The following ABCA13 variants were observed in gnomAD, a reference collection of about 807,000 sequenced individuals.
ABCA13 encodes ATP binding cassette subfamily A member 13.
ABCA13 carries 476 observed loss-of-function variants against 478.7 expected under a neutral mutation model. The ratio of observed to expected loss-of-function variants is 0.99; its 90% CI spans 0.92 to 1.07. ABCA13 has a LOEUF of 1.07. ABCA13 is among the 50% of genes least tolerant of loss of function. The probability of loss-of-function intolerance (pLI) is 0.00; values close to 1 mark genes in which losing one functional copy is unlikely to be tolerated. For synonymous variants in ABCA13, 2,252 were observed against 2,158.9 expected (o/e 1.04, Z -1.20); for missense variants, 6,060 against 5,910.6 (o/e 1.03, Z -0.83).
At chr7:48,550,388 G>T (rs1486995979) in intron 55 of ABCA13, among the ~76,000 whole-genome samples, 1 of 151,412 alleles carries the variant, frequency 6.6e-6, no homozygotes, top group African/African-American at 2.4e-5. Flanking sequence ...CTCCAGAGTA[G>T]CTGGGAGTAC....
At chr7:48,579,043 A>G (rs1337908169) in intron 55 of ABCA13, among the ~76,000 whole-genome samples, 1 of 152,224 alleles carries the variant, frequency 6.6e-6, no homozygotes, top group Non-Finnish European at 1.5e-5. Flanking sequence ...CTAGAAAATA[A>G]CATAGGATAA....
At chr7:48,296,535 C>T (rs1279559874) in intron 21 of ABCA13, among the ~76,000 whole-genome samples, 2 of 151,518 alleles carry the variant, frequency 1.3e-5, no homozygotes, top group Admixed American at 1.3e-4. Context: ...TCTCGGCTCA[C>T]TGCAAGCTCC....
intron 2 of ABCA13, among the ~76,000 whole-genome samples, chr7:48,196,352 G>A (rs1057162794): frequency 6.6e-6 from 1 of 152,168 alleles, no homozygotes; most frequent in African/African-American, 2.4e-5. Flanking sequence ...TCCTACAGAA[G>A]GGAAGGCTTT....
chr7:48,560,583 G>C (rs1299355848), intron 55 of ABCA13, among the ~76,000 whole-genome samples: 1 of 152,184 alleles, frequency 6.6e-6, no homozygotes, highest in Non-Finnish European at 1.5e-5. Context: ...ACAATCAGTA[G>C]AGGCTTCCAT....
chr7:48,593,201 G>A (rs1789934301), intron 57 of ABCA13, among the ~76,000 whole-genome samples: 1 of 143,310 alleles, frequency 7.0e-6, no homozygotes, highest in Non-Finnish European at 1.5e-5. Flanking sequence ...TTTTGTGTTG[G>A]TATGTTGGTA....
At chr7:48,321,083 C>T (rs1316514251) in intron 27 of ABCA13, among the ~76,000 whole-genome samples, 1 of 152,126 alleles carries the variant, frequency 6.6e-6, no homozygotes, top group African/African-American at 2.4e-5. Context: ...ATGGTGGAGG[C>T]CAGTGGTTCA....
intron 19 of ABCA13, among the ~76,000 whole-genome samples, chr7:48,286,868 A>AT (rs375594302): frequency 2.2e-4 from 34 of 151,520 alleles, no homozygotes; most frequent in African/African-American, 5.8e-4. Flanking sequence ...TCAGGATAAC[A>AT]TTTTTTTTTC....
At chr7:48,506,429 T>C (rs758912953) in intron 49 of ABCA13, 39 bp downstream of exon 49, 1 of 1,603,784 alleles carries the variant, frequency 6.2e-7, no homozygotes, top group South Asian at 1.1e-5. Context: ...TGACCCTGAC[T>C]ATGGAAGAAA....
At chr7:48,568,111 A>G (rs1787261116) in intron 55 of ABCA13, among the ~76,000 whole-genome samples, 1 of 152,128 alleles carries the variant, frequency 6.6e-6, no homozygotes, top group African/African-American at 2.4e-5. Flanking sequence ...AAGCCATATG[A>G]TGATTTCCAC....
In ABCA13 at chr7:48,506,209, C is replaced by A. The variant is rs1831193754; in HGVS notation, c.13292-127C>A. 3.8e-5 allele frequency: 37 copies of A among 966,506 alleles called. No homozygotes were observed. The South Asian group carries it at 5.5e-4, about 14-fold the overall frequency. The allele number at this position is 966,506 out of a possible 1,614,324, so 59.9% of individuals were successfully genotyped here. A position where few individuals can be genotyped will look rare whatever the true frequency, so the allele number is the denominator to read the frequency against. On this transcript the variant is annotated intron_variant, in intron 48 of 61. Coordinates refer to ENST00000435803, the MANE Select transcript of ABCA13 (RefSeq NM_152701.5). ...TTTGCCATTTTTTTCTGCTAATTGA[C>A]CAGGGCCTGGGCAAAGCAAGCAGGA...
intron 17 of ABCA13, among the ~76,000 whole-genome samples, chr7:48,277,588 G>T (rs1584582874): frequency 6.6e-6 from 1 of 152,240 alleles, no homozygotes; most frequent in Non-Finnish European, 1.5e-5. Context: ...GAACTCTCAT[G>T]AGAGAATCTC....
At position 48,367,838 on chromosome 7, in the gene ABCA13, T is replaced by C. The variant is rs1299820127; in HGVS notation, c.10733T>C (p.Leu3578Pro). 15 of 1,579,836 alleles carry C rather than the reference T, an allele frequency of 9.5e-6. No homozygotes were observed. Among genetic ancestry groups the C allele is most frequent in the Non-Finnish European group, 1.3e-5 (15 of 1,161,672 alleles). ...VGFFFPLIMMLTWMVSVASMV... is the reference protein window; with the variant it reads ...VGFFFPLIMMPTWMVSVASMV... ...TTCTTTTTTCCACTGATAATGATGC[T>C]GACGTGGATGGTGTCTGTGGCCAGC... is the stretch of plus-strand genomic sequence containing the variant. Residue 3578 changes from leucine to proline, a missense_variant, in exon 32 of 62, where the codon CTG (leucine) becomes CCG (proline). Physicochemically the swap from Leu to Pro is moderately conservative, Grantham distance 98. Around this residue, in one of 3 missense-constraint regions of ABCA13, gnomAD observed 4,423 missense variants for 4,309.1 expected, o/e 1.03. Coordinates refer to ENST00000435803, the MANE Select transcript of ABCA13 (RefSeq NM_152701.5).
chr7:48,483,026 G>A, intron 46 of ABCA13, 50 bp from the exon 47 acceptor site: 1 of 1,491,972 alleles, frequency 6.7e-7, no homozygotes, highest in Non-Finnish European at 9.2e-7. Context: ...CTGATTAGAA[G>A]TCCTGGTGCT....
chr7:48,303,396 A>G (rs986576170), intron 23 of ABCA13, among the ~76,000 whole-genome samples: 4 of 152,112 alleles, frequency 2.6e-5, no homozygotes, highest in African/African-American at 9.7e-5. Flanking sequence ...CATCTTCATC[A>G]TGAAGTCTTT....
rs1480631168 is a variant in ABCA13, at chr7:48,387,529, T to C, written c.11336-293T>C. On this transcript the variant is annotated intron_variant, in intron 35 of 61. Coordinates refer to ENST00000435803, the MANE Select transcript of ABCA13 (RefSeq NM_152701.5). ...AGGGTGGGACTTTACTCTGGGAATA[T>C]TCAGCAATTATCCAAAAAGCATGTA... is the stretch of plus-strand genomic sequence containing the variant. 2.0e-5 allele frequency among the ~76,000 whole-genome samples: 3 copies of C among 152,188 alleles called. No homozygotes were observed. The East Asian group carries it at 5.8e-4, about 29-fold the overall frequency.
In ABCA13 at chr7:48,275,942, G is replaced by T. The variant is rs773369856; in HGVS notation, c.6276G>T (p.Met2092Ile). 1 of 1,613,652 alleles carries T rather than the reference G, an allele frequency of 6.2e-7. No individual in the cohort carries two copies. Among genetic ancestry groups the T allele is most frequent in the Non-Finnish European group, 8.5e-7 (1 of 1,179,806 alleles). Reference sequence around the variant, plus strand: ...AAGGAATCAAAAGTATAAATTCAATGGCTCTTCAAAAGATAACTTTGCAGT... The same window carrying T: ...AAGGAATCAAAAGTATAAATTCAATTGCTCTTCAAAAGATAACTTTGCAGT... ...MNKGIKSINS[M>I]ALQKITLQFA... is the part of the protein sequence containing the mutation. The change falls in exon 17 of 62, where the codon ATG becomes ATT. Residue 2092 changes from methionine (M) to isoleucine (I), a missense_variant. Physicochemically the swap from Met to Ile is conservative, Grantham distance 10. Transcript: ENST00000435803.
chr7:48,578,971 G>C (rs1383260717), intron 55 of ABCA13, among the ~76,000 whole-genome samples: 1 of 152,144 alleles, frequency 6.6e-6, no homozygotes, highest in African/African-American at 2.4e-5. Context: ...ACTTATACCT[G>C]TGACAAAAAT....
intron 3 of ABCA13, among the ~76,000 whole-genome samples, chr7:48,209,482 A>G (rs989811565): frequency 1.3e-5 from 2 of 152,102 alleles, no homozygotes; most frequent in Non-Finnish European, 2.9e-5. Flanking sequence ...CAGTGAAGCC[A>G]TTGTTTGGGT....
chr7:48,462,898 G>GT (rs992192859), intron 43 of ABCA13, among the ~76,000 whole-genome samples: 1 of 152,154 alleles, frequency 6.6e-6, no homozygotes, highest in African/African-American at 2.4e-5. Context: ...CACATCTCAT[G>GT]TTAGGGTCTT....
Sources: gnomAD v4.1 joint callset for allele counts (sites outside exome capture counted in the v4.1 genomes callset) on GRCh38, gnomAD v4.1.1 for gene constraint, gnomAD v4.1.1 regional missense constraint, MANE v1.5 for transcripts, NCBI Gene and HGNC (gene_info 2026-07-23, HGNC 2026-07-21) for gene names.